Variants in ABCB11 observed in about 807,000 individuals in gnomAD.
The protein encoded by ABCB11 is bile salt export pump.
In ABCB11, 95 loss-of-function variants were observed where a neutral mutation model predicts 148.0. The observed-to-expected ratio is 0.64, with a 90% CI of 0.54 to 0.76. The LOEUF (loss-of-function observed/expected upper bound fraction) is 0.76, where lower values mean the gene tolerates loss of function less well. Ranked by LOEUF, ABCB11 falls within the 30% of genes least tolerant of loss-of-function variation. ABCB11 has a pLI of 0.00. For missense variants in ABCB11, 1,523 were observed against 1,617.8 expected, an observed-to-expected ratio of 0.94 and a Z score of 1.01; for synonymous variants, 591 against 555.4, an observed-to-expected ratio of 1.06 and a Z score of -0.90.
At chr2:168,976,512 G>T in intron 12 of ABCB11, 65 bp downstream of exon 12, 1 of 944,018 alleles carries the variant, frequency 1.1e-6, no homozygotes, top group Non-Finnish European at 1.6e-6. Flanking sequence ...AGCAATTTGT[G>T]GTTATGCAAA....
At chr2:169,013,861 G>T (rs918574153) in intron 4 of ABCB11, among the ~76,000 whole-genome samples, 2 of 152,170 alleles carry the variant, frequency 1.3e-5, no homozygotes, top group Non-Finnish European at 1.5e-5. Context: ...GATAAACTGT[G>T]TGGGGCATTG....
downstream of ABCB11, among the ~76,000 whole-genome samples, chr2:168,919,747 A>C (rs1691021968): frequency 6.6e-6 from 1 of 152,222 alleles, no homozygotes; most frequent in African/African-American, 2.4e-5. Context: ...GCTTTGCTAC[A>C]TATAGAATGA....
At chr2:168,967,781 C>G (rs1022078772) in intron 17 of ABCB11, among the ~76,000 whole-genome samples, 3 of 151,902 alleles carry the variant, frequency 2.0e-5, no homozygotes, top group Admixed American at 6.6e-5. Flanking sequence ...ATCAGAGGAG[C>G]AGTTTTATTG....
chr2:168,997,426 T>A (rs193083519), intron 5 of ABCB11, among the ~76,000 whole-genome samples: 1 of 152,086 alleles, frequency 6.6e-6, no homozygotes, highest in South Asian at 2.1e-4. Flanking sequence ...AAAAATACTT[T>A]GGCATTTTTC....
intron 12 of ABCB11, among the ~76,000 whole-genome samples, chr2:168,974,063 G>C (rs1012971586): frequency 2.0e-5 from 3 of 151,984 alleles, no homozygotes; most frequent in Non-Finnish European, 4.4e-5. Flanking sequence ...ATTTAACTGA[G>C]AGCCATGACC....
At chr2:169,019,659 T>C (rs1218556305) in intron 1 of ABCB11, among the ~76,000 whole-genome samples, 1 of 152,184 alleles carries the variant, frequency 6.6e-6, no homozygotes, top group Non-Finnish European at 1.5e-5. Context: ...TTGCAACCTG[T>C]GTTGTTCAAG....
At chr2:169,006,569 A>G (rs1435944193) in intron 5 of ABCB11, among the ~76,000 whole-genome samples, 1 of 152,044 alleles carries the variant, frequency 6.6e-6, no homozygotes, top group Non-Finnish European at 1.5e-5. Flanking sequence ...AAAATAAAAT[A>G]AAATAAAATA....
Position 168,930,837 on chromosome 2 carries a change from A to G in ABCB11, c.3239T>C (p.Phe1080Ser), listed in dbSNP as rs1370587865. ...AGGATATGTAAATTTACAATCAACA[A>G]AATCAATCTTCCCCTGGAAGTTGTC... ...KWDNFQGKID[F>S]VDCKFTYPSR... Residue 1080 changes from phenylalanine (F) to serine (S), a missense_variant, in exon 25 of 28, where the codon TTT becomes TCT. Phe to Ser is a radical substitution (Grantham distance 155). Transcript: ENST00000650372. 3 of 1,606,144 alleles carry G rather than the reference A, an allele frequency of 1.9e-6. No homozygotes were observed.
chr2:168,923,721 C>CATG lies in ABCB11; in HGVS notation c.3864_3866dup (p.Val1288_Met1289insIle), dbSNP rs776441432. Reference sequence around the variant, plus strand: ...CCTTTTCAATCACCACCCCCTGTGCCATGACAGCAATGATATCCGCGTTCT... The same window carrying CATG: ...CCTTTTCAATCACCACCCCCTGTGCCATGATGACAGCAATGATATCCGCGTTCT... On this transcript the variant is annotated inframe_insertion, in exon 28 of 28. Transcript: ENST00000650372. The CATG allele has an allele frequency of 1.2e-6, 2 of 1,613,762 alleles. No homozygotes were observed. The highest frequency in any genetic ancestry group is 1.7e-6 in the Non-Finnish European group (2 of 1,179,856).
At chr2:168,978,580 A>G (rs13384680) in intron 11 of ABCB11, among the ~76,000 whole-genome samples, 79,433 of 151,856 alleles carry the variant, frequency 0.52, 21,140 homozygotes, top group South Asian at 0.57. Context: ...CAAACAGCGG[A>G]CAGTGAACCA....
chr2:168,925,762 T>G (rs902421646), intron 26 of ABCB11, among the ~76,000 whole-genome samples: 3 of 152,184 alleles, frequency 2.0e-5, no homozygotes, highest in Non-Finnish European at 4.4e-5. Context: ...AAACCTGCTT[T>G]GTCTTTGTGG....
chr2:168,928,736 C>T (rs866780346), intron 25 of ABCB11, among the ~76,000 whole-genome samples: 10 of 152,130 alleles, frequency 6.6e-5, no homozygotes, highest in South Asian at 2.1e-4. Flanking sequence ...TGCAGGCATG[C>T]CAGAAGTGAC....
intron 19 of ABCB11, among the ~76,000 whole-genome samples, chr2:168,946,852 T>G (rs775550864): frequency 6.6e-5 from 10 of 151,782 alleles, no homozygotes; most frequent in Non-Finnish European, 1.2e-4. Context: ...TCTTTTAGCT[T>G]TTTGTATTAC....
chr2:168,941,739 AT>A (rs1274045500), intron 21 of ABCB11, among the ~76,000 whole-genome samples: 1 of 152,070 alleles, frequency 6.6e-6, no homozygotes, highest in Non-Finnish European at 1.5e-5. Context: ...GGAAGAGTCA[AT>A]TGATGAGGCA....
At chr2:169,009,709 C>A (rs1043661295) in intron 5 of ABCB11, among the ~76,000 whole-genome samples, 1 of 150,902 alleles carries the variant, frequency 6.6e-6, no homozygotes, top group Non-Finnish European at 1.5e-5. Flanking sequence ...GCACATGTAC[C>A]CTAAAACTTA....
intron 15 of ABCB11, 146 bp downstream of exon 15, chr2:168,969,899 A>G (rs983006125): frequency 2.5e-6 from 2 of 808,676 alleles, no homozygotes; most frequent in African/African-American, 3.4e-5. Flanking sequence ...TAGTCAGCTA[A>G]TATTTTCTAA....
rs1695323866 is a variant in ABCB11, at chr2:169,015,424, G to A, written c.99-1070C>T. Among the ~76,000 whole-genome samples the A allele has an allele frequency of 2.0e-5, 3 of 152,164 alleles. 1 individual carries two copies. The highest frequency in any genetic ancestry group is 7.2e-5 in the African/African-American group (3 of 41,536). On this transcript the variant is annotated intron_variant, in intron 3 of 27. Transcript: ENST00000650372. Reference sequence around the variant, plus strand: ...GAGACTCCCCACGGTCTGGCCCTTGGCTCTCTGACCTCACCTCCTCCAACT... The same window carrying A: ...GAGACTCCCCACGGTCTGGCCCTTGACTCTCTGACCTCACCTCCTCCAACT...
rs1175586567 is a variant in ABCB11, at chr2:168,923,014, C to T, written c.*608G>A. The T allele has an allele frequency of 6.5e-6, 1 of 154,564 alleles. No homozygotes were observed. The highest frequency in any genetic ancestry group is 1.4e-5 in the Non-Finnish European group (1 of 69,678). The allele number at this position is 154,564 out of a possible 1,614,324, so 9.6% of individuals were successfully genotyped here. A position where few individuals can be genotyped will look rare whatever the true frequency, so the allele number is the denominator to read the frequency against. ...CCTAACTGGAAAGCTCATGCTAATA[C>T]TTTCCCTTTCTGCCTCCCTCAGCCT... On this transcript the variant is annotated 3_prime_UTR_variant, in exon 28 of 28. Coordinates refer to ENST00000650372, the MANE Select transcript of ABCB11 (RefSeq NM_003742.4).
rs1692217194 is a variant in ABCB11, at chr2:168,944,624, T to G, written c.2591A>C (p.Asp864Ala). Residue 864 changes from aspartate (D) to alanine (A), a missense_variant, in exon 21 of 28, where the codon GAT becomes GCT. Physicochemically the swap from Asp to Ala is moderately radical, Grantham distance 126 (BLOSUM62 -2). Transcript: ENST00000650372. Reference protein sequence around the residue: ...PGALTTRLATDASQVQGAAGS... With the variant: ...PGALTTRLATAASQVQGAAGS... ...GCTCACCCCTTGAACTTGGGAAGCA[T>G]CTGTAGCAAGTCTTGTTGTCAATGC... The G allele has an allele frequency of 3.1e-6, 5 of 1,608,440 alleles. No homozygotes were observed. The East Asian group carries it at 1.1e-4, about 36-fold the overall frequency.
Sources: allele counts gnomAD v4.1 joint callset (sites outside exome capture counted in the v4.1 genomes callset), GRCh38; gene constraint gnomAD v4.1.1; transcripts MANE v1.5; gene names NCBI Gene and HGNC (gene_info 2026-07-23, HGNC 2026-07-21).